Variants in STARD13 observed in about 807,000 individuals in gnomAD.
STARD13 encodes the protein StAR related lipid transfer domain containing 13, also known as stAR-related lipid transfer protein 13.
A neutral mutation model predicts 106.4 loss-of-function variants in STARD13; 62 were observed. The ratio of observed to expected loss-of-function variants is 0.58; its 90% CI spans 0.48 to 0.72. STARD13 has a LOEUF of 0.72. Ranked by LOEUF, STARD13 falls within the 30% of genes least tolerant of loss-of-function variation. The probability of loss-of-function intolerance (pLI) is 0.00; values close to 1 mark genes in which losing one functional copy is unlikely to be tolerated. For missense variants in STARD13, 1,387 were observed against 1,424.0 expected, an observed-to-expected ratio of 0.97 and a Z score of 0.42; for synonymous variants, 565 against 553.0, an observed-to-expected ratio of 1.02 and a Z score of -0.31.
chr13:33,660,130 G>C, the STARD13 span, among the ~76,000 whole-genome samples: 440 of 152,162 alleles, frequency 2.9e-3, 5 homozygotes, highest in African/African-American at 0.01. Flanking sequence ...GCTCACGAGG[G>C]CCTTCCCAAC....
At chr13:33,427,903 T>C in the STARD13 span, among the ~76,000 whole-genome samples, 2 of 145,518 alleles carry the variant, frequency 1.4e-5, no homozygotes, top group African/African-American at 5.2e-5. Flanking sequence ...TGTGGTGAGC[T>C]GAGATCGTGC....
intron 2 of STARD13, among the ~76,000 whole-genome samples, 192 bp from the exon 3 acceptor site, chr13:33,165,610 G>A (rs537101017): frequency 1.8e-3 from 269 of 152,268 alleles, no homozygotes; most frequent in Middle Eastern, 3.4e-3. Flanking sequence ...ATATAAGTGC[G>A]AAATATGAGG....
At chr13:33,255,906 A>G (rs553303715) in intron 1 of STARD13, among the ~76,000 whole-genome samples, 1 of 152,204 alleles carries the variant, frequency 6.6e-6, no homozygotes, top group Admixed American at 6.5e-5. Context: ...ATGATGGTCT[A>G]CAGGTAGTAT....
chr13:33,431,300 C>T, the STARD13 span, among the ~76,000 whole-genome samples: 1 of 151,836 alleles, frequency 6.6e-6, no homozygotes, highest in South Asian at 2.1e-4. Context: ...TTTTTAATAC[C>T]TATTATAAAA....
chr13:33,519,275 T>TC, the STARD13 span, among the ~76,000 whole-genome samples: 1 of 141,654 alleles, frequency 7.1e-6, no homozygotes, highest in African/African-American at 2.8e-5. Context: ...TTTCTTTCTT[T>TC]TCTTTCTCTT....
intron 1 of STARD13, among the ~76,000 whole-genome samples, chr13:33,254,772 T>A (rs1212528079): frequency 6.6e-6 from 1 of 152,184 alleles, no homozygotes; most frequent in Non-Finnish European, 1.5e-5. Context: ...GAGAGGAGTT[T>A]GGCTGCTGGA....
chr13:33,392,856 T>G, the STARD13 span, among the ~76,000 whole-genome samples: 1 of 152,214 alleles, frequency 6.6e-6, no homozygotes, highest in Non-Finnish European at 1.5e-5. Flanking sequence ...GGGTCACCTT[T>G]CAACTAACTT....
the STARD13 span, among the ~76,000 whole-genome samples, chr13:33,406,345 CAG>C: frequency 6.6e-6 from 1 of 152,170 alleles, no homozygotes; most frequent in Non-Finnish European, 1.5e-5. Context: ...GAATGTTTTT[CAG>C]AGTTTTCAAA....
At chr13:33,285,826 A>T, upstream of STARD13, 1 of 1,336,782 alleles carries the variant, frequency 7.5e-7, no homozygotes, top group Non-Finnish European at 9.7e-7. Context: ...GACCTCGGGA[A>T]CCAATGAGAG....
chr13:33,123,055 C>CAAAA lies in STARD13; in HGVS notation c.2082+3022_2082+3025dup, dbSNP rs71071079. ...TGGGTGACAGAGCAAGACTCCATCT[C>CAAAA]AAAAAAAAAAAAAAAAAAAAAAAAG... On this transcript the variant is annotated intron_variant, in intron 7 of 13. Coordinates refer to ENST00000336934, the MANE Select transcript of STARD13 (RefSeq NM_178006.4). Among the ~76,000 whole-genome samples, 332 of 45,792 alleles carry CAAAA rather than the reference C, an allele frequency of 7.3e-3. 34 individuals carry two copies. The highest frequency in any genetic ancestry group is 0.023 in the African/African-American group (274 of 11,860). The allele number at this position is 45,792 out of a possible 152,430, so 30.0% of individuals were successfully genotyped here.
chr13:33,434,189 C>A, the STARD13 span, among the ~76,000 whole-genome samples: 1 of 151,814 alleles, frequency 6.6e-6, no homozygotes, highest in East Asian at 1.9e-4. Flanking sequence ...CCCATCTCTG[C>A]TAAAAATTCA....
At chr13:33,647,498 A>T in the STARD13 span, among the ~76,000 whole-genome samples, 2 of 152,164 alleles carry the variant, frequency 1.3e-5, no homozygotes, top group Admixed American at 6.5e-5. Context: ...CCTTATCTCA[A>T]ATAAAATATT....
intron 1 of STARD13, among the ~76,000 whole-genome samples, chr13:33,246,696 G>A (rs1436074201): frequency 2.0e-5 from 3 of 152,046 alleles, no homozygotes; most frequent in Non-Finnish European, 4.4e-5. Flanking sequence ...AAATATTGAT[G>A]ACCATAAAAC....
chr13:33,609,112 T>A, the STARD13 span, among the ~76,000 whole-genome samples: 1 of 144,260 alleles, frequency 6.9e-6, no homozygotes. Context: ...AAAAAAATAT[T>A]GATACATTTA....
the STARD13 span, among the ~76,000 whole-genome samples, chr13:33,457,419 C>T: frequency 3.9e-5 from 6 of 152,268 alleles, no homozygotes; most frequent in East Asian, 5.8e-4. Context: ...AAAGAACTTT[C>T]GTTTACAAAG....
intron 1 of STARD13, among the ~76,000 whole-genome samples, chr13:33,184,266 T>C (rs976381467): frequency 1.3e-5 from 2 of 152,144 alleles, no homozygotes; most frequent in African/African-American, 4.8e-5. Context: ...GTGAGCTCAG[T>C]GAATTTGAAA....
chr13:33,142,190 G>T, intron 4 of STARD13, 120 bp downstream of exon 4: 1 of 785,708 alleles, frequency 1.3e-6, no homozygotes, highest in Non-Finnish European at 2.1e-6. Context: ...ACTGTGCCCA[G>T]CTAATTTATT....
At chr13:33,233,794 G>C (rs1189808949) in intron 1 of STARD13, among the ~76,000 whole-genome samples, 1 of 152,234 alleles carries the variant, frequency 6.6e-6, no homozygotes, top group Non-Finnish European at 1.5e-5. Context: ...CCTTACCTGG[G>C]TGTTGCTGCA....
At chr13:33,245,147 C>T (rs533030635) in intron 1 of STARD13, among the ~76,000 whole-genome samples, 12 of 152,302 alleles carry the variant, frequency 7.9e-5, no homozygotes, top group African/African-American at 1.7e-4. Context: ...GAGTTAAATA[C>T]GTCATTGTGG....
Sources: allele counts gnomAD v4.1 joint callset (sites outside exome capture counted in the v4.1 genomes callset), GRCh38; gene constraint gnomAD v4.1.1; transcripts MANE v1.5; gene names NCBI Gene and HGNC (gene_info 2026-07-23, HGNC 2026-07-21).